Variants in ANKS1B observed in about 807,000 individuals in gnomAD.
The protein encoded by ANKS1B is ankyrin repeat and sterile alpha motif domain-containing protein 1B.
A neutral mutation model predicts 148.3 loss-of-function variants in ANKS1B; 36 were observed. The ratio of observed to expected loss-of-function variants is 0.24; its 90% CI spans 0.19 to 0.32. The LOEUF (loss-of-function observed/expected upper bound fraction) is 0.32. ANKS1B is among the 10% of genes least tolerant of loss of function. The probability of loss-of-function intolerance (pLI) is 1.00; values close to 1 mark genes in which losing one functional copy is unlikely to be tolerated. For synonymous variants in ANKS1B, 542 were observed against 560.8 expected (o/e 0.97, Z 0.47); for missense variants, 1,157 against 1,542.6 (o/e 0.75, Z 4.19).
chr12:99,963,605 C>T (rs991322013), intron 1 of ANKS1B, among the ~76,000 whole-genome samples: 7 of 152,164 alleles, frequency 4.6e-5, no homozygotes, highest in Non-Finnish European at 8.8e-5. Context: ...TTAATGATAG[C>T]ATTTTTTTGG....
At chr12:99,714,595 C>T (rs1191745155) in intron 8 of ANKS1B, among the ~76,000 whole-genome samples, 1 of 152,034 alleles carries the variant, frequency 6.6e-6, no homozygotes, top group Non-Finnish European at 1.5e-5. Context: ...GATGTTACTA[C>T]TGTAATCACT....
intron 15 of ANKS1B, among the ~76,000 whole-genome samples, chr12:99,125,525 A>G (rs1319949536): frequency 2.0e-5 from 3 of 152,172 alleles, no homozygotes; most frequent in African/African-American, 7.2e-5. Context: ...TCCATCATGC[A>G]TTGACATGTT....
At chr12:99,102,314 T>G (rs1281350274) in intron 15 of ANKS1B, among the ~76,000 whole-genome samples, 1 of 152,082 alleles carries the variant, frequency 6.6e-6, no homozygotes, top group African/African-American at 2.4e-5. Context: ...GTGGAGACAA[T>G]GAATGTAGAC....
At chr12:99,732,357 T>A (rs2059244701) in intron 8 of ANKS1B, among the ~76,000 whole-genome samples, 2 of 152,196 alleles carry the variant, frequency 1.3e-5, no homozygotes, top group South Asian at 4.1e-4. Context: ...TTCATAACTT[T>A]ATTAATTACA....
intron 12 of ANKS1B, among the ~76,000 whole-genome samples, chr12:99,390,628 T>C (rs575947622): frequency 6.6e-6 from 1 of 152,350 alleles, no homozygotes; most frequent in African/African-American, 2.4e-5. Context: ...AAGAGAGCTC[T>C]GGGTTCCCAA....
chr12:99,534,144 G>T (rs1055047310), intron 9 of ANKS1B, among the ~76,000 whole-genome samples: 1 of 152,132 alleles, frequency 6.6e-6, no homozygotes, highest in Non-Finnish European at 1.5e-5. Context: ...TAATATCATT[G>T]TTTAAAATAC....
At chr12:99,671,910 T>G (rs936359889) in intron 8 of ANKS1B, among the ~76,000 whole-genome samples, 1 of 152,112 alleles carries the variant, frequency 6.6e-6, no homozygotes, top group Admixed American at 6.6e-5. Flanking sequence ...AAATAAAACC[T>G]GATGTTTTCT....
chr12:99,395,132 G>A (rs1332961393), intron 12 of ANKS1B, among the ~76,000 whole-genome samples: 1 of 152,030 alleles, frequency 6.6e-6, no homozygotes, highest in Admixed American at 6.6e-5. Flanking sequence ...TGTGATCTTA[G>A]CTGCTTTCCC....
At chr12:98,970,472 C>T (rs2153200595) in intron 17 of ANKS1B, among the ~76,000 whole-genome samples, 1 of 152,266 alleles carries the variant, frequency 6.6e-6, no homozygotes, top group East Asian at 1.9e-4. Context: ...CAGTGACTGC[C>T]TGAATGAAAA....
chr12:99,820,029 T>C (rs2082317807), intron 2 of ANKS1B, among the ~76,000 whole-genome samples: 1 of 151,820 alleles, frequency 6.6e-6, no homozygotes, highest in Non-Finnish European at 1.5e-5. Context: ...TCCTCCATAT[T>C]TTAAAAAGAG....
chr12:99,687,623 T>C (rs1281634891), intron 8 of ANKS1B, among the ~76,000 whole-genome samples: 1 of 152,212 alleles, frequency 6.6e-6, no homozygotes, highest in Non-Finnish European at 1.5e-5. Context: ...TCTCATCTAG[T>C]ACACTTTTCA....
intron 17 of ANKS1B, among the ~76,000 whole-genome samples, chr12:99,003,186 G>C (rs1283078396): frequency 6.6e-6 from 1 of 151,964 alleles, no homozygotes; most frequent in Non-Finnish European, 1.5e-5. Context: ...CTGTTCTATT[G>C]GTCTATAGTC....
chr12:99,385,527 C>T (rs1412504209), intron 12 of ANKS1B, among the ~76,000 whole-genome samples: 1 of 152,108 alleles, frequency 6.6e-6, no homozygotes, highest in Non-Finnish European at 1.5e-5. Flanking sequence ...AGGGAATATG[C>T]TAAATATGAG....
At chr12:98,990,926 G>A (rs140866021) in intron 17 of ANKS1B, among the ~76,000 whole-genome samples, 1 of 152,176 alleles carries the variant, frequency 6.6e-6, no homozygotes, top group African/African-American at 2.4e-5. Context: ...TAGTTGGCTT[G>A]TCCTAGTGGC....
chr12:99,495,081 G>A (rs1242867502), intron 10 of ANKS1B, among the ~76,000 whole-genome samples: 1 of 152,138 alleles, frequency 6.6e-6, no homozygotes, highest in Non-Finnish European at 1.5e-5. Context: ...GGAATGTGAA[G>A]CAGTGTGGTA....
At chr12:99,439,571 C>T (rs1394588182) in intron 11 of ANKS1B, among the ~76,000 whole-genome samples, 1 of 151,660 alleles carries the variant, frequency 6.6e-6, no homozygotes, top group African/African-American at 2.4e-5. Context: ...GATCATTAGT[C>T]ACCAGAAAAA....
intron 17 of ANKS1B, among the ~76,000 whole-genome samples, chr12:98,953,037 T>C (rs1366342500): frequency 3.4e-5 from 5 of 148,336 alleles, no homozygotes; most frequent in African/African-American, 1.3e-4. Context: ...TTTTTTTTTT[T>C]TGAGACAGAA....
chr12:99,218,973 C>A (rs1187090712), intron 14 of ANKS1B, among the ~76,000 whole-genome samples: 1 of 152,130 alleles, frequency 6.6e-6, no homozygotes, highest in Non-Finnish European at 1.5e-5. Flanking sequence ...TCATATGAAA[C>A]CATGCTATTT....
chr12:99,212,341 C>A (rs1601718016), intron 14 of ANKS1B, among the ~76,000 whole-genome samples: 1 of 138,620 alleles, frequency 7.2e-6, no homozygotes, highest in African/African-American at 2.8e-5. Flanking sequence ...CTTTTCCATG[C>A]CTTTACACGT....
Sources: allele counts gnomAD v4.1 joint callset (sites outside exome capture counted in the v4.1 genomes callset), GRCh38; gene constraint gnomAD v4.1.1; transcripts MANE v1.5; gene names NCBI Gene and HGNC (gene_info 2026-07-23, HGNC 2026-07-21).